Variants in MIAT observed in about 807,000 individuals in gnomAD.
MIAT encodes the protein myocardial infarction associated transcript, also known as MI related novel mRNA.
chr22:26,659,950 C>G (rs2146005688), intron 2 of MIAT, among the ~76,000 whole-genome samples: 1 of 149,888 alleles, frequency 6.7e-6, no homozygotes, highest in Admixed American at 6.7e-5. Context: ...ATCCTTGTGC[C>G]TCAGCCTCCC....
At chr22:26,665,224 G>A (rs1041874523) in intron 3 of MIAT, among the ~76,000 whole-genome samples, 1 of 131,668 alleles carries the variant, frequency 7.6e-6, no homozygotes, top group African/African-American at 2.6e-5. Context: ...CTGGGTGACA[G>A]AGTGAGATCC....
intron 2 of MIAT, among the ~76,000 whole-genome samples, chr22:26,660,461 C>CAAAAAA (rs58234097): frequency 4.7e-5 from 5 of 107,172 alleles, no homozygotes; most frequent in Admixed American, 1.0e-4. Context: ...GAGACTATCT[C>CAAAAAA]AAAAAAAAAA....
At chr22:26,664,374 T>C (rs1220166678) in intron 3 of MIAT, among the ~76,000 whole-genome samples, 5 of 152,198 alleles carry the variant, frequency 3.3e-5, no homozygotes, top group African/African-American at 9.7e-5. Flanking sequence ...TATTGAGGCA[T>C]AGTTTAAAAG....
chr22:26,651,507 G>A (rs187123960), intron 2 of MIAT, among the ~76,000 whole-genome samples: 225 of 152,262 alleles, frequency 1.5e-3, no homozygotes, highest in Non-Finnish European at 1.4e-3. Context: ...AAGGCAAGGT[G>A]GGGGAATAGA....
At chr22:26,651,229 C>T (rs990634446) in intron 2 of MIAT, among the ~76,000 whole-genome samples, 2 of 152,172 alleles carry the variant, frequency 1.3e-5, no homozygotes, top group African/African-American at 2.4e-5. Context: ...TAAAGATGGC[C>T]GCTTTGATGA....
chr22:26,666,328 C>T (rs1314550936), exon 4 of MIAT: 1 of 398,638 alleles, frequency 2.5e-6, no homozygotes, highest in Non-Finnish European at 4.4e-6. Context: ...GCCTCTGGCT[C>T]CCCGAATTTC....
chr22:26,649,974 G>A (rs1930309377), intron 2 of MIAT, among the ~76,000 whole-genome samples: 1 of 152,194 alleles, frequency 6.6e-6, no homozygotes, highest in Admixed American at 6.5e-5. Context: ...CATGTCGGGT[G>A]TGTCCGACAG....
downstream of MIAT, chr22:26,671,491 C>G (rs1040095634): frequency 2.5e-6 from 1 of 398,710 alleles, no homozygotes; most frequent in Non-Finnish European, 4.4e-6. Flanking sequence ...CCAACTAACC[C>G]ACTAACCAGG....
At chr22:26,665,682 A>C (rs1930821265) in exon 4 of MIAT, 1 of 398,542 alleles carries the variant, frequency 2.5e-6, no homozygotes, top group South Asian at 1.3e-4. Flanking sequence ...TCTGTGCAGG[A>C]AAGTGTAGTA....
At chr22:26,674,028 A>G, downstream of MIAT, 2 of 398,696 alleles carry the variant, frequency 5.0e-6, no homozygotes, top group African/African-American at 2.1e-5. Context: ...TCTACAGAGC[A>G]TATGCCATTT....
At chr22:26,667,995 T>C (rs544108672) in intron 5 of MIAT, 47 of 395,796 alleles carry the variant, frequency 1.2e-4, no homozygotes, top group Non-Finnish European at 1.7e-4. Context: ...AAATGTTTCA[T>C]GTCCAAAACC....
At chr22:26,665,247 A>AAAAGAAAGAAAGAAAGAAAG (rs10529015) in intron 3 of MIAT, among the ~76,000 whole-genome samples, 9,013 of 144,142 alleles carry the variant, frequency 0.063, 404 homozygotes, top group East Asian at 0.15. Context: ...TCTCCAGAAA[A>AAAAGAAAGAAAGAAAGAAAG]AAAGAAAGAA....
In MIAT at chr22:26,654,697, C is replaced by CATTT. The variant is rs562131811; in HGVS notation, n.646+7403_646+7406dup. 1.4e-3 allele frequency among the ~76,000 whole-genome samples: 217 copies of CATTT among 152,092 alleles called. 4 individuals are homozygous for CATTT. Among genetic ancestry groups the CATTT allele is most frequent in the South Asian group, 9.4e-3 (45 of 4,810 alleles). ...AACAGGGCAAGACCTTGTCTCAAAA[C>CATTT]ATTTATTTATTTATTTATTTTTAAA... On this transcript the variant is annotated intron_variant and non_coding_transcript_variant, in intron 2 of 5. Coordinates refer to ENST00000643270, the Ensembl canonical transcript of MIAT.
At chr22:26,658,385 G>A (rs1930539026) in intron 2 of MIAT, 1 of 152,256 alleles carries the variant, frequency 6.6e-6, no homozygotes, top group South Asian at 2.1e-4. Flanking sequence ...GAGATTCAGA[G>A]AGGGTTATCG....
chr22:26,668,260 C>T (rs1310126870), exon 6 of MIAT: 7 of 398,504 alleles, frequency 1.8e-5, no homozygotes, highest in African/African-American at 2.1e-5. Flanking sequence ...GGTCAGACTC[C>T]GGTGGTTTTC....
At chr22:26,674,584 A>G (rs1931191696), downstream of MIAT, 1 of 398,694 alleles carries the variant, frequency 2.5e-6, no homozygotes, top group Non-Finnish European at 4.4e-6. Context: ...AACCAATTGT[A>G]GTTGGCAGTG....
At chr22:26,652,363 TA>T (rs1569217309) in intron 2 of MIAT, among the ~76,000 whole-genome samples, 2 of 151,884 alleles carry the variant, frequency 1.3e-5, no homozygotes, top group East Asian at 1.9e-4. Flanking sequence ...TTCATTCATT[TA>T]TTTTTTTTTT....
intron 2 of MIAT, among the ~76,000 whole-genome samples, chr22:26,660,527 GA>G: frequency 6.6e-6 from 1 of 150,458 alleles, no homozygotes; most frequent in Non-Finnish European, 1.5e-5. Context: ...TAATGCTTTT[GA>G]AAAGTTACAT....
exon 6 of MIAT, chr22:26,668,781 C>T (rs1418847435): frequency 2.5e-6 from 1 of 399,310 alleles, no homozygotes; most frequent in East Asian, 3.6e-5. Flanking sequence ...TTTTCCTCTC[C>T]CTGATGGTTA....
Sources: allele counts gnomAD v4.1 joint callset (sites outside exome capture counted in the v4.1 genomes callset), GRCh38; gene constraint gnomAD v4.1.1; transcripts MANE v1.5; gene names NCBI Gene and HGNC (gene_info 2026-07-23, HGNC 2026-07-21).